Variants in CDH18 observed in about 807,000 individuals in gnomAD.
The protein encoded by CDH18 is cadherin-18.
Under a neutral mutation model 67.9 loss-of-function variants are expected in CDH18, and 31 were observed. That is an observed-to-expected ratio of 0.46 (90% CI 0.34 to 0.62). The LOEUF (loss-of-function observed/expected upper bound fraction) is 0.62. Ranked by LOEUF, CDH18 falls within the 20% of genes least tolerant of loss-of-function variation. The pLI is 0.01. For missense variants in CDH18, 890 were observed against 975.5 expected (o/e 0.91, Z 1.17); for synonymous variants, 362 against 347.2 (o/e 1.04, Z -0.48).
At position 19,747,056 on chromosome 5, in the gene CDH18, T is replaced by G; in HGVS notation, c.409A>C (p.Lys137Gln). Residue 137 changes from lysine to glutamine, a missense_variant, in exon 4 of 13, where the codon AAA becomes CAA. This residue lies in a region of CDH18 where 234 missense variants were observed against 307.4 expected (regional missense o/e 0.76). Coordinates refer to ENST00000382275, the MANE Select transcript of CDH18 (RefSeq NM_004934.5). Reference protein sequence around the residue: ...HAQAIDRRTNKPLEPESEFII... With the variant: ...HAQAIDRRTNQPLEPESEFII... ...AACTCGGATTCAGGCTCAAGAGGTT[T>G]GTTTGTACGTCTATCAATAGCTTGA... The G allele has an allele frequency of 6.2e-7, 1 of 1,614,144 alleles. No homozygotes were observed. Among genetic ancestry groups the G allele is most frequent in the Non-Finnish European group, 8.5e-7 (1 of 1,180,018 alleles).
intron 1 of CDH18, among the ~76,000 whole-genome samples, chr5:20,455,132 C>T (rs1057357361): frequency 6.6e-6 from 1 of 151,752 alleles, no homozygotes; most frequent in Non-Finnish European, 1.5e-5. Flanking sequence ...ATGACTGGCT[C>T]ATGGTAGGCT....
At chr5:20,522,374 GCTATTAAAGGTACTT>G (rs1339727910) in intron 1 of CDH18, among the ~76,000 whole-genome samples, 11 of 152,114 alleles carry the variant, frequency 7.2e-5, no homozygotes, top group African/African-American at 2.4e-4. Flanking sequence ...GACAGCAATT[GCTATTAAAGGTACTT>G]CATAAATATA....
intron 6 of CDH18, among the ~76,000 whole-genome samples, chr5:19,607,637 T>C (rs1181189094): frequency 6.6e-6 from 1 of 151,394 alleles, no homozygotes; most frequent in East Asian, 1.9e-4. Context: ...TATCAGTAAT[T>C]AAGATACTTA....
chr5:20,438,811 T>G (rs1454788991), intron 1 of CDH18, among the ~76,000 whole-genome samples: 1 of 151,504 alleles, frequency 6.6e-6, no homozygotes, highest in Non-Finnish European at 1.5e-5. Flanking sequence ...ACCAAAATGT[T>G]TTCTAAAGCA....
intron 1 of CDH18, among the ~76,000 whole-genome samples, chr5:20,502,309 T>A (rs1167467021): frequency 6.6e-6 from 1 of 152,196 alleles, no homozygotes; most frequent in Non-Finnish European, 1.5e-5. Flanking sequence ...TGTGAAAATA[T>A]GAGTAAGAGA....
chr5:19,727,829 A>G (rs1157297685), intron 4 of CDH18, among the ~76,000 whole-genome samples: 1 of 152,232 alleles, frequency 6.6e-6, no homozygotes, highest in African/African-American at 2.4e-5. Context: ...ATAAAGATGA[A>G]TATCTGATAT....
chr5:20,315,023 G>A (rs1487627271), intron 1 of CDH18, among the ~76,000 whole-genome samples: 1 of 152,048 alleles, frequency 6.6e-6, no homozygotes, highest in Non-Finnish European at 1.5e-5. Context: ...AGTAGATCAA[G>A]AATAGAGTTT....
chr5:20,263,960 G>A (rs1228894632), intron 1 of CDH18, among the ~76,000 whole-genome samples: 1 of 151,960 alleles, frequency 6.6e-6, no homozygotes, highest in Non-Finnish European at 1.5e-5. Flanking sequence ...ATAACAGTAT[G>A]TAGAATAAAT....
rs149197603 is a variant in CDH18, at chr5:20,344,323, C to A, written c.-579-88818G>T. On this transcript the variant is annotated intron_variant, in intron 1 of 14. Transcript: ENST00000507958. ...AACAGACAGCTTCTCTCCCCTGGAA[C>A]CCAAAGAATGGGAGGCTACCCAGGG... Among the ~76,000 whole-genome samples the A allele has an allele frequency of 1.1e-4, 16 of 152,214 alleles. No individual in the cohort carries two copies. In the East Asian group the frequency reaches 2.9e-3, roughly 28 times the overall value.
At chr5:19,866,929 A>C (rs888909002) in intron 2 of CDH18, among the ~76,000 whole-genome samples, 1 of 152,074 alleles carries the variant, frequency 6.6e-6, no homozygotes, top group Admixed American at 6.5e-5. Flanking sequence ...GTCTCTACTA[A>C]AAATACAAAA....
chr5:20,068,204 T>C (rs4326146), intron 2 of CDH18, among the ~76,000 whole-genome samples: 114,275 of 152,002 alleles, frequency 0.75, 46,150 homozygotes, highest in Non-Finnish European at 0.9. Context: ...CTTTGAGGCA[T>C]TGTTCTTTAC....
chr5:20,447,653 A>G (rs1432064856), intron 1 of CDH18, among the ~76,000 whole-genome samples: 1 of 152,122 alleles, frequency 6.6e-6, no homozygotes, highest in East Asian at 1.9e-4. Context: ...TCCTCCCGCA[A>G]TATCTTTTAC....
chr5:19,490,559 C>T lies in CDH18; in HGVS notation c.1631-7007G>A, dbSNP rs559823064. On this transcript the variant is annotated intron_variant, in intron 11 of 12. Coordinates refer to ENST00000382275, the MANE Select transcript of CDH18 (RefSeq NM_004934.5). ...CCTCCCAAGTAGCTGGGACTACAGG[C>T]GTGCACCACCACACCCAGCTAATTT... Among the ~76,000 whole-genome samples, 47 of 151,400 alleles carry T rather than the reference C, an allele frequency of 3.1e-4. 2 individuals are homozygous for T. Among genetic ancestry groups the T allele is most frequent in the African/African-American group, 6.8e-4 (28 of 41,312 alleles).
chr5:20,394,423 A>G (rs906142971), intron 1 of CDH18, among the ~76,000 whole-genome samples: 24 of 152,126 alleles, frequency 1.6e-4, no homozygotes, highest in African/African-American at 5.8e-4. Context: ...TACCATATAT[A>G]CAAATAAACT....
At chr5:20,089,956 T>G (rs1745280780) in intron 2 of CDH18, among the ~76,000 whole-genome samples, 1 of 152,184 alleles carries the variant, frequency 6.6e-6, no homozygotes, top group Admixed American at 6.5e-5. Context: ...ACCTGATACA[T>G]CTAAGCTTTT....
chr5:19,846,066 T>C (rs1025791512), intron 2 of CDH18, among the ~76,000 whole-genome samples: 4 of 152,092 alleles, frequency 2.6e-5, no homozygotes, highest in Admixed American at 6.6e-5. Flanking sequence ...GTCTATCTTG[T>C]AGCTATTTTT....
intron 2 of CDH18, among the ~76,000 whole-genome samples, chr5:20,056,219 G>A (rs1233800849): frequency 2.7e-5 from 4 of 149,584 alleles, no homozygotes; most frequent in East Asian, 2.0e-4. Context: ...TGTCAGGCTG[G>A]TCTTGAACTA....
intron 1 of CDH18, among the ~76,000 whole-genome samples, chr5:20,414,440 G>A (rs1327613544): frequency 6.6e-6 from 1 of 152,050 alleles, no homozygotes; most frequent in Non-Finnish European, 1.5e-5. Context: ...CATAAACAGG[G>A]AAACAATAGA....
chr5:20,067,268 T>A (rs775474404), intron 2 of CDH18, among the ~76,000 whole-genome samples: 8 of 151,442 alleles, frequency 5.3e-5, no homozygotes, highest in East Asian at 1.9e-4. Context: ...TTTAGACCAG[T>A]TTTTTAGTTC....
Sources: allele counts gnomAD v4.1 joint callset (sites outside exome capture counted in the v4.1 genomes callset), GRCh38; gene constraint gnomAD v4.1.1; regional missense constraint gnomAD v4.1.1; transcripts MANE v1.5; gene names NCBI Gene and HGNC (gene_info 2026-07-23, HGNC 2026-07-21).